CUX2: variants seen among roughly 807,000 people sequenced by gnomAD.
The protein encoded by CUX2 is homeobox protein cut-like 2.
In CUX2, 40 loss-of-function variants were observed where a neutral mutation model predicts 144.8. The ratio of observed to expected loss-of-function variants is 0.28; its 90% CI spans 0.21 to 0.36. The LOEUF (loss-of-function observed/expected upper bound fraction) is 0.36. Among genes scored for constraint, CUX2 ranks in the 10% least tolerant of loss-of-function variants. The pLI, the probability that CUX2 is intolerant of heterozygous loss-of-function variation, is 1.00. For missense variants in CUX2, 1,615 were observed against 1,994.0 expected (o/e 0.81, Z 3.62); for synonymous variants, 827 against 875.6 (o/e 0.94, Z 0.98).
At chr12:111,326,533 G>T (rs888092459) in intron 18 of CUX2, among the ~76,000 whole-genome samples, 1 of 151,892 alleles carries the variant, frequency 6.6e-6, no homozygotes, top group African/African-American at 2.4e-5. Context: ...GTCTCACTCT[G>T]TCACCCAGGC....
At chr12:111,124,821 G>A (rs1046077706) in intron 1 of CUX2, among the ~76,000 whole-genome samples, 4 of 152,090 alleles carry the variant, frequency 2.6e-5, no homozygotes, top group Non-Finnish European at 2.9e-5. Context: ...GGTCCCCACT[G>A]TCTATTGTTG....
intron 5 of CUX2, 51 bp downstream of exon 5, chr12:111,291,603 A>C: frequency 1.3e-6 from 2 of 1,498,718 alleles, no homozygotes; most frequent in Non-Finnish European, 1.8e-6. Flanking sequence ...CAGGCTGCAG[A>C]TCTTCAGAGC....
At chr12:111,147,408 C>T (rs1294182471) in intron 1 of CUX2, among the ~76,000 whole-genome samples, 1 of 152,216 alleles carries the variant, frequency 6.6e-6, no homozygotes, top group African/African-American at 2.4e-5. Context: ...GGTCAACTCT[C>T]ACCACATTTG....
chr12:111,309,881 C>G (rs981230391), intron 14 of CUX2, among the ~76,000 whole-genome samples, 160 bp from the exon 15 acceptor site: 2 of 151,176 alleles, frequency 1.3e-5, no homozygotes, highest in African/African-American at 2.4e-5. Flanking sequence ...CGCTCTCCCT[C>G]TCTCTCTCTG....
intron 1 of CUX2, among the ~76,000 whole-genome samples, chr12:111,166,982 C>T (rs1878187490): frequency 6.6e-6 from 1 of 152,110 alleles, no homozygotes; most frequent in South Asian, 2.1e-4. Context: ...GGCAACCTTG[C>T]CTGGGATAGC....
chr12:111,060,448 G>T (rs1870717132), intron 1 of CUX2, among the ~76,000 whole-genome samples: 1 of 152,220 alleles, frequency 6.6e-6, no homozygotes, highest in South Asian at 2.1e-4. Flanking sequence ...GGATTAGGGG[G>T]CTCCCCCATA....
intron 1 of CUX2, among the ~76,000 whole-genome samples, chr12:111,116,801 C>G (rs1212838458): frequency 6.6e-6 from 1 of 152,212 alleles, no homozygotes; most frequent in Non-Finnish European, 1.5e-5. Context: ...CTAACTTTAT[C>G]ACAACCAGAG....
At chr12:111,050,944 C>T (rs1870234991) in intron 1 of CUX2, among the ~76,000 whole-genome samples, 1 of 152,156 alleles carries the variant, frequency 6.6e-6, no homozygotes, top group African/African-American at 2.4e-5. Context: ...GATAGCAGAG[C>T]AGGGTGACTA....
intron 4 of CUX2, among the ~76,000 whole-genome samples, chr12:111,264,734 C>G (rs1884294914): frequency 6.6e-6 from 1 of 152,180 alleles, no homozygotes; most frequent in Non-Finnish European, 1.5e-5. Flanking sequence ...CAGAGCAAGA[C>G]TGTCCTCTGT....
intron 4 of CUX2, among the ~76,000 whole-genome samples, chr12:111,280,342 A>C (rs766171573): frequency 1.1e-4 from 17 of 152,158 alleles, no homozygotes; most frequent in Non-Finnish European, 1.9e-4. Context: ...ATGACAACGA[A>C]GGCTGAGATC....
chr12:111,249,377 GA>G (rs1170665996), intron 3 of CUX2, among the ~76,000 whole-genome samples: 2 of 134,276 alleles, frequency 1.5e-5, no homozygotes, highest in Non-Finnish European at 3.1e-5. Context: ...TAAGCACTGA[GA>G]AAAAGTCCCG....
At chr12:111,235,677 C>T (rs748580023) in intron 3 of CUX2, among the ~76,000 whole-genome samples, 4 of 151,850 alleles carry the variant, frequency 2.6e-5, no homozygotes, top group South Asian at 2.1e-4. Context: ...GCTGAGATCG[C>T]GCCACTGCAC....
At chr12:111,253,496 C>T (rs556072873) in intron 3 of CUX2, among the ~76,000 whole-genome samples, 5 of 152,168 alleles carry the variant, frequency 3.3e-5, no homozygotes, top group Non-Finnish European at 5.9e-5. Context: ...CCCACATGCC[C>T]TGCCCAGGAC....
chr12:111,146,541 T>C (rs1005074998), intron 1 of CUX2, among the ~76,000 whole-genome samples: 3 of 152,218 alleles, frequency 2.0e-5, no homozygotes, highest in Non-Finnish European at 4.4e-5. Context: ...GGGGTTGGGA[T>C]AGCTTGTGGG....
intron 1 of CUX2, among the ~76,000 whole-genome samples, chr12:111,135,621 T>G (rs1252048755): frequency 6.6e-6 from 1 of 152,244 alleles, no homozygotes; most frequent in African/African-American, 2.4e-5. Flanking sequence ...CAATGTGGTC[T>G]GTCCATACAA....
intron 3 of CUX2, among the ~76,000 whole-genome samples, chr12:111,242,138 G>T (rs1261251403): frequency 2.0e-5 from 3 of 152,202 alleles, no homozygotes; most frequent in African/African-American, 7.2e-5. Flanking sequence ...CCTGCTATTT[G>T]TTGAGGACCT....
chr12:111,063,481 C>T (rs989467022), intron 1 of CUX2, among the ~76,000 whole-genome samples: 1 of 152,258 alleles, frequency 6.6e-6, no homozygotes, highest in Non-Finnish European at 1.5e-5. Context: ...ATAGGTGGCT[C>T]TGGGGCCTTT....
intron 20 of CUX2, among the ~76,000 whole-genome samples, chr12:111,339,370 G>T (rs1888488178): frequency 6.6e-6 from 1 of 152,042 alleles, no homozygotes; most frequent in Non-Finnish European, 1.5e-5. Context: ...TCCCTCCTCT[G>T]CCTCAGCCCC....
At chr12:111,143,562 T>C (rs564750448) in intron 1 of CUX2, among the ~76,000 whole-genome samples, 15 of 152,232 alleles carry the variant, frequency 9.9e-5, no homozygotes, top group Non-Finnish European at 1.5e-4. Context: ...TTCTGGCAAA[T>C]GTAATACCCA....
Sources: allele counts gnomAD v4.1 joint callset (sites outside exome capture counted in the v4.1 genomes callset), GRCh38; gene constraint gnomAD v4.1.1; transcripts MANE v1.5; gene names NCBI Gene and HGNC (gene_info 2026-07-23, HGNC 2026-07-21).